The following STRAP variants were observed in gnomAD, a reference collection of about 807,000 sequenced individuals.
STRAP encodes serine-threonine kinase receptor-associated protein.
STRAP carries 16 observed loss-of-function variants against 47.0 expected under a neutral mutation model. That is an observed-to-expected ratio of 0.34 (90% CI 0.23 to 0.52). The LOEUF is 0.52. Among genes scored for constraint, STRAP ranks in the 20% least tolerant of loss-of-function variants. The probability of loss-of-function intolerance (pLI) is 0.96; values close to 1 mark genes in which losing one functional copy is unlikely to be tolerated. For synonymous variants in STRAP, 130 were observed against 142.7 expected (o/e 0.91, Z 0.63); for missense variants, 293 against 420.0 (o/e 0.70, Z 2.64).
At chr12:15,885,782 AT>A (rs960477766) in intron 2 of STRAP, among the ~76,000 whole-genome samples, 8 of 150,656 alleles carry the variant, frequency 5.3e-5, no homozygotes, top group South Asian at 2.1e-4. Flanking sequence ...TTATTTAACC[AT>A]TTTTTTTTCT....
intron 4 of STRAP, among the ~76,000 whole-genome samples, chr12:15,892,704 T>C (rs1401750430): frequency 6.6e-6 from 1 of 152,224 alleles, no homozygotes; most frequent in Non-Finnish European, 1.5e-5. Flanking sequence ...TGCAGATTTT[T>C]TTATTCTCCA....
Position 15,889,368 on chromosome 12 carries a change from T to A in STRAP, c.249-560T>A, listed in dbSNP as rs143135616. Among the ~76,000 whole-genome samples, 1,092 of 152,308 alleles carry A rather than the reference T, an allele frequency of 7.2e-3. 15 individuals are homozygous for A. The highest frequency in any genetic ancestry group is 0.025 in the African/African-American group (1,051 of 41,582). On this transcript the variant is annotated intron_variant, in intron 2 of 9. Coordinates refer to ENST00000419869, the MANE Select transcript of STRAP (RefSeq NM_007178.4). Reference sequence around the variant, plus strand: ...TTAACTGTACTAGAGTTTGAAATTTTAAGTCAGCTTTGAAGAAGAGATGAA... The same window carrying A: ...TTAACTGTACTAGAGTTTGAAATTTAAAGTCAGCTTTGAAGAAGAGATGAA...
intron 2 of STRAP, among the ~76,000 whole-genome samples, chr12:15,884,604 T>C (rs969479362): frequency 6.6e-6 from 1 of 152,098 alleles, no homozygotes; most frequent in Non-Finnish European, 1.5e-5. Context: ...ACAGACAGTA[T>C]CTAGCTATGT....
chr12:15,898,004 G>C lies in STRAP; in HGVS notation c.761G>C (p.Ser254Thr), dbSNP rs1948074159. The change falls in exon 7 of 10, where the codon AGT becomes ACT. Residue 254 changes from serine (S) to threonine (T), a missense_variant. By Grantham distance (58) the Ser-to-Thr change is moderately conservative (BLOSUM62 1). This residue lies in a region of STRAP where 26 missense variants were observed against 76.7 expected (regional missense o/e 0.34). Coordinates refer to ENST00000419869, the MANE Select transcript of STRAP (RefSeq NM_007178.4). ...DFKLYKYDYN[S>T]GEELESYKGH... ...AAACTTTATAAGTATGATTATAATA[G>C]TGGAGAAGAATTAGGTGAGTTGTCC... 1.2e-6 allele frequency: 2 copies of C among 1,601,202 alleles called. No homozygotes were observed. Among genetic ancestry groups the C allele is most frequent in the Non-Finnish European group, 1.7e-6 (2 of 1,175,304 alleles).
At chr12:15,885,180 G>GTTTT (rs749702060) in intron 2 of STRAP, among the ~76,000 whole-genome samples, 5 of 99,558 alleles carry the variant, frequency 5.0e-5, no homozygotes, top group Admixed American at 1.1e-4. Flanking sequence ...TACAAGTGGT[G>GTTTT]TTTTTTTTTT....
intron 2 of STRAP, among the ~76,000 whole-genome samples, chr12:15,889,321 A>G (rs140906401): frequency 7.2e-5 from 11 of 152,252 alleles, no homozygotes; most frequent in African/African-American, 1.7e-4. Flanking sequence ...TATATAATCA[A>G]AGGCTGATAG....
rs1319663321 is a variant in STRAP, at chr12:15,903,298, GA to G, written c.*324del. ...TAGCTGTTTATGTTAATATGGAGAA[GA>G]AAACTATATTGGCTGATTTTTTCTG... On this transcript the variant is annotated 3_prime_UTR_variant, in exon 10 of 10. Transcript: ENST00000419869. 1.0e-5 allele frequency: 2 copies of G among 198,214 alleles called. No homozygotes were observed. The highest frequency in any genetic ancestry group is 4.9e-5 in the African/African-American group (2 of 41,098). The allele number at this position is 198,214 out of a possible 1,614,324, so 12.3% of individuals were successfully genotyped here.
intron 2 of STRAP, among the ~76,000 whole-genome samples, chr12:15,889,093 C>G (rs1947994507): frequency 6.6e-6 from 1 of 152,042 alleles, no homozygotes. Context: ...TTTTCACTGA[C>G]CTGTTCTGAT....
chr12:15,896,109 C>T lies in STRAP; in HGVS notation c.638+613C>T, dbSNP rs1948057536. ...ATTAGCTGGGTGTGGTGGTGAGTAC[C>T]TGTAATCCCAGCTACTTGGGAGGCT... On this transcript the variant is annotated intron_variant, in intron 6 of 9. Coordinates refer to ENST00000419869, the MANE Select transcript of STRAP (RefSeq NM_007178.4). The surrounding 1 kb of genome is among the most constrained non-coding windows in gnomAD (Gnocchi z 4.1). Among the ~76,000 whole-genome samples the T allele has an allele frequency of 6.6e-6, 1 of 151,910 alleles. No homozygotes were observed. Among genetic ancestry groups the T allele is most frequent in the Non-Finnish European group, 1.5e-5 (1 of 67,988 alleles).
intron 2 of STRAP, among the ~76,000 whole-genome samples, chr12:15,888,686 C>G (rs1326635162): frequency 5.3e-5 from 8 of 152,070 alleles, no homozygotes; most frequent in Non-Finnish European, 2.9e-5. Context: ...CTGTTACTTA[C>G]ATTTTCTGGA....
chr12:15,883,449 T>C (rs1947941370), intron 1 of STRAP, 92 bp from the exon 2 acceptor site: 2 of 1,406,388 alleles, frequency 1.4e-6, no homozygotes, highest in African/African-American at 1.4e-5. Flanking sequence ...TTTTCCACTT[T>C]GTCATTGAAC....
chr12:15,890,051 G>A lies in STRAP; in HGVS notation c.330+42G>A. On this transcript the variant is annotated intron_variant, in intron 3 of 9. Coordinates refer to ENST00000419869, the MANE Select transcript of STRAP (RefSeq NM_007178.4). The surrounding 1 kb of genome is among the most constrained non-coding windows in gnomAD (Gnocchi z 4.5). Reference sequence around the variant, plus strand: ...TTTATTTTAGCGAGTTAAGTTGCTGGTACATAGTGTGATAATGCTTTTATA... The same window carrying A: ...TTTATTTTAGCGAGTTAAGTTGCTGATACATAGTGTGATAATGCTTTTATA... 1 of 1,535,580 alleles carries A rather than the reference G, an allele frequency of 6.5e-7. No homozygotes were observed. Among genetic ancestry groups the A allele is most frequent in the Non-Finnish European group, 9.0e-7 (1 of 1,108,924 alleles).
chr12:15,900,070 A>G lies in STRAP; in HGVS notation c.925+17A>G. On this transcript the variant is annotated intron_variant, in intron 8 of 9. Coordinates refer to ENST00000419869, the MANE Select transcript of STRAP (RefSeq NM_007178.4). ...TGCTTCCTGGTAAGAATTTTTATTC[A>G]GAATAATAAAATTTTTAAAATGCAT... The G allele has an allele frequency of 6.3e-7, 1 of 1,592,486 alleles. No homozygotes were observed. The highest frequency in any genetic ancestry group is 1.4e-5 in the African/African-American group (1 of 73,922).
intron 7 of STRAP, 126 bp from the exon 8 acceptor site, chr12:15,899,778 A>G: frequency 1.2e-6 from 1 of 842,378 alleles, no homozygotes; most frequent in Non-Finnish European, 1.9e-6. Flanking sequence ...TTAATTAAGT[A>G]CAGGTTTTAA....
In STRAP at chr12:15,890,690, A is replaced by C. The variant is rs770528001; in HGVS notation, c.403+21A>C. On this transcript the variant is annotated intron_variant, in intron 4 of 9. Coordinates refer to ENST00000419869, the MANE Select transcript of STRAP (RefSeq NM_007178.4). This position sits in a 1 kb window ranked among gnomAD's most constrained non-coding sequence, Gnocchi z 4.5. Reference sequence around the variant, plus strand: ...AGCAGGTAAGCATAATTTAAACATCAGCTTCTAGTTTTATTTTCTTTTAAT... The same window carrying C: ...AGCAGGTAAGCATAATTTAAACATCCGCTTCTAGTTTTATTTTCTTTTAAT... 1 of 1,564,596 alleles carries C rather than the reference A, an allele frequency of 6.4e-7. No individual in the cohort carries two copies. Among genetic ancestry groups the C allele is most frequent in the South Asian group, 1.2e-5 (1 of 86,054 alleles).
In STRAP at chr12:15,890,221, G is replaced by A. The variant is rs1157864985; in HGVS notation, c.330+212G>A. On this transcript the variant is annotated intron_variant, in intron 3 of 9. Coordinates refer to ENST00000419869, the MANE Select transcript of STRAP (RefSeq NM_007178.4). This position sits in a 1 kb window ranked among gnomAD's most constrained non-coding sequence, Gnocchi z 4.5. ...AAGCTTTTAAGATACTGTGGAACGA[G>A]TACCAGTCCTTCAACATGTAAAAAA... Among the ~76,000 whole-genome samples, 1 of 152,178 alleles carries A rather than the reference G, an allele frequency of 6.6e-6. No homozygotes were observed. Among genetic ancestry groups the A allele is most frequent in the Non-Finnish European group, 1.5e-5 (1 of 68,030 alleles).
At chr12:15,885,205 T>TTTA in intron 2 of STRAP, among the ~76,000 whole-genome samples, 1 of 145,086 alleles carries the variant, frequency 6.9e-6, no homozygotes, top group African/African-American at 2.6e-5. Flanking sequence ...TTTTTTTTTT[T>TTTA]AAAGACAGAG....
In STRAP at chr12:15,891,733, A is replaced by C. The variant is rs553036525; in HGVS notation, c.403+1064A>C. On this transcript the variant is annotated intron_variant, in intron 4 of 9. Transcript: ENST00000419869. The stretch of plus-strand genomic sequence containing the variant: ...CAAGGTGAGTGGATCACCTGAGGTC[A>C]GGAGTTCAATACCAGCCTGGCCAAC... 2.0e-5 allele frequency among the ~76,000 whole-genome samples: 3 copies of C among 152,318 alleles called. No individual in the cohort carries two copies. The East Asian group carries it at 5.8e-4, about 29-fold the overall frequency.
At position 15,882,633 on chromosome 12, in the gene STRAP, G is replaced by A. The variant is rs764156700; in HGVS notation, c.-75G>A. ...AGGGCGGGGGCCTGGAGCAGCCCGA[G>A]GCACTGCAGCAGAAGAGAGAAAAGA... is the stretch of plus-strand genomic sequence containing the variant. On this transcript the variant is annotated 5_prime_UTR_variant, in exon 1 of 10. Coordinates refer to ENST00000419869, the MANE Select transcript of STRAP (RefSeq NM_007178.4). The A allele has an allele frequency of 1.3e-5, 16 of 1,277,108 alleles. No homozygotes were observed. Among genetic ancestry groups the A allele is most frequent in the South Asian group, 2.5e-5 (2 of 79,756 alleles). 79.1% of individuals were successfully genotyped at this position (1,277,108 alleles called of 1,614,324 possible). A position where few individuals can be genotyped will look rare whatever the true frequency, so the allele number is the denominator to read the frequency against.
Sources: allele counts gnomAD v4.1 joint callset (sites outside exome capture counted in the v4.1 genomes callset), GRCh38; gene constraint gnomAD v4.1.1; regional missense constraint gnomAD v4.1.1; non-coding constraint Gnocchi (gnomAD v3.1); transcripts MANE v1.5; gene names NCBI Gene and HGNC (gene_info 2026-07-23, HGNC 2026-07-21).